Variants in UTP20 observed in about 807,000 individuals in gnomAD.
The protein encoded by UTP20 is UTP20 small subunit processome component.
Under a neutral mutation model 329.5 loss-of-function variants are expected in UTP20, and 164 were observed. The ratio of observed to expected loss-of-function variants is 0.50; its 90% CI spans 0.44 to 0.57. UTP20 has a LOEUF of 0.57. UTP20 is among the 20% of genes least tolerant of loss of function. The probability of loss-of-function intolerance (pLI) is 0.00; values close to 1 mark genes in which losing one functional copy is unlikely to be tolerated. For synonymous variants in UTP20, 1,151 were observed against 1,159.3 expected (o/e 0.99, Z 0.14); for missense variants, 3,055 against 3,284.2 (o/e 0.93, Z 1.71).
chr12:101,319,764 C>CTTTT, intron 23 of UTP20, 129 bp downstream of exon 23: 1 of 560,204 alleles, frequency 1.8e-6, no homozygotes, highest in Non-Finnish European at 2.8e-6. Flanking sequence ...GTATTAAAGC[C>CTTTT]TTTTTTTTTT....
chr12:101,370,299 TA>T, intron 49 of UTP20, 132 bp from the exon 50 acceptor site: 1 of 1,110,682 alleles, frequency 9.0e-7, no homozygotes, highest in South Asian at 1.8e-5. Flanking sequence ...TTTTCCAGAG[TA>T]ATTTGCCAAG....
intron 59 of UTP20, 29 bp from the exon 60 acceptor site, chr12:101,383,514 C>G (rs1194404170): frequency 2.5e-6 from 4 of 1,603,498 alleles, no homozygotes; most frequent in Non-Finnish European, 3.4e-6. Context: ...AGAAGTCTTT[C>G]AAATGAAAAA....
chr12:101,330,591 T>C (rs1868729280), intron 27 of UTP20, among the ~76,000 whole-genome samples: 1 of 152,232 alleles, frequency 6.6e-6, no homozygotes, highest in Non-Finnish European at 1.5e-5. Flanking sequence ...GAAAGTTCTT[T>C]CTCTGTTATA....
chr12:101,350,795 G>T (rs1454501844), intron 38 of UTP20, among the ~76,000 whole-genome samples: 1 of 152,062 alleles, frequency 6.6e-6, no homozygotes, highest in Non-Finnish European at 1.5e-5. Context: ...CCCTTCTGTG[G>T]TTCTTTTCCC....
rs368816848 is a variant in UTP20 at position 101,366,697 on chromosome 12, C to T, written c.6265C>T (p.Arg2089Trp). ...GCACATATTTATTGAGTCCGGGCTT[C>T]GGGTAAGAATTAACCTTAAAATGAG... ...NMHIFIESGL[R>W]LLHLSLKTSK... The change falls in exon 47 of 62, where the codon CGG becomes TGG. Residue 2089 changes from arginine (R) to tryptophan (W), a missense_variant and splice_region_variant. Transcript: ENST00000261637. 31 of 1,613,074 alleles carry T rather than the reference C, an allele frequency of 1.9e-5. 1 individual carries two copies. The highest frequency in any genetic ancestry group is 6.6e-5 in the South Asian group (6 of 90,944).
Position 101,379,366 on chromosome 12 carries a change from C to T in UTP20, c.7397-5C>T. 2 of 1,594,948 alleles carry T rather than the reference C, an allele frequency of 1.3e-6. No individual in the cohort carries two copies. The highest frequency in any genetic ancestry group is 2.2e-5 in the East Asian group (1 of 44,570). On this transcript the variant is annotated splice_polypyrimidine_tract_variant and splice_region_variant and intron_variant, in intron 56 of 61. Coordinates refer to ENST00000261637, the MANE Select transcript of UTP20 (RefSeq NM_014503.3). ...ACATCCACAAATGCTTTTTGGTTCC[C>T]TTAGGTCATGTGCATTCTCACCTGA...
At chr12:101,298,368 C>T (rs990845353) in intron 12 of UTP20, among the ~76,000 whole-genome samples, 1 of 152,140 alleles carries the variant, frequency 6.6e-6, no homozygotes, top group Admixed American at 6.5e-5. Context: ...CAATTTTAAG[C>T]TGGGAAGGAT....
intron 12 of UTP20, among the ~76,000 whole-genome samples, chr12:101,299,203 C>G (rs1023109752): frequency 1.3e-5 from 2 of 152,162 alleles, no homozygotes; most frequent in African/African-American, 4.8e-5. Context: ...TGTCATTGAG[C>G]AACTGTGTAT....
rs768386333 is a variant in UTP20, at chr12:101,334,412, C to A, written c.3562-13C>A. On this transcript the variant is annotated splice_polypyrimidine_tract_variant and intron_variant, in intron 28 of 61. Transcript: ENST00000261637. ...TATGTATTTGGTATTCTGTTTTTTACTTTGTCTCCTAGATCAGCAGGCTTG... is the reference window on the plus strand; with the variant it reads ...TATGTATTTGGTATTCTGTTTTTTAATTTGTCTCCTAGATCAGCAGGCTTG... 2.5e-6 allele frequency: 4 copies of A among 1,607,652 alleles called. No individual in the cohort carries two copies. The East Asian group carries it at 8.9e-5, about 36-fold the overall frequency.
intron 47 of UTP20, among the ~76,000 whole-genome samples, chr12:101,367,210 A>T: frequency 6.6e-6 from 1 of 152,146 alleles, no homozygotes; most frequent in East Asian, 1.9e-4. Context: ...ACTTGAGCCC[A>T]GGAGTTTGAG....
chr12:101,353,222 C>T (rs1869596749), intron 40 of UTP20, 93 bp downstream of exon 40: 2 of 771,556 alleles, frequency 2.6e-6, no homozygotes, highest in Non-Finnish European at 4.1e-6. Context: ...CAACTTATTC[C>T]CTTTGTCTGC....
Position 101,346,516 on chromosome 12 carries a change from G to C in UTP20, c.4812G>C (p.Leu1604=). The change falls in exon 38 of 62, where the codon CTG becomes CTC. Residue 1604 remains leucine (L), a synonymous_variant. Coordinates refer to ENST00000261637, the MANE Select transcript of UTP20 (RefSeq NM_014503.3). ...AACTAATGGAAGGCAAAGTTGTTCT[G>C]TCTTCTAAATCTCTTCAGAATTACA... ...AKQLMEGKVV[L]SSKSLQNYIM... 6.2e-7 allele frequency: 1 copy of C among 1,610,356 alleles called. No individual in the cohort carries two copies. The highest frequency in any genetic ancestry group is 8.5e-7 in the Non-Finnish European group (1 of 1,178,508).
chr12:101,327,087 G>C lies in UTP20; in HGVS notation c.3048G>C (p.Leu1016Phe), dbSNP rs766829244. 1.9e-6 allele frequency: 3 copies of C among 1,593,552 alleles called. No homozygotes were observed. Among genetic ancestry groups the C allele is most frequent in the Admixed American group, 3.4e-5 (2 of 59,102 alleles). ...ADLFPILMRILYGRMKNKTGS... is the reference protein window; with the variant it reads ...ADLFPILMRIFYGRMKNKTGS... ...TGTGCTTTTGCCTTTTCAGAATTTT[G>C]TATGGGCGAATGAAGAATAAGACTG... The change falls in exon 26 of 62, where the codon TTG becomes TTC. Residue 1016 changes from leucine to phenylalanine, a missense_variant. Physicochemically the swap from Leu to Phe is conservative, Grantham distance 22 (BLOSUM62 0). Coordinates refer to ENST00000261637, the MANE Select transcript of UTP20 (RefSeq NM_014503.3).
chr12:101,318,466 A>C (rs1187592882), intron 22 of UTP20, among the ~76,000 whole-genome samples: 1 of 152,228 alleles, frequency 6.6e-6, no homozygotes, highest in African/African-American at 2.4e-5. Flanking sequence ...ACTGCAATGC[A>C]GGAGTCATAG....
intron 5 of UTP20, 52 bp downstream of exon 5, chr12:101,286,561 C>T: frequency 7.0e-7 from 1 of 1,423,912 alleles, no homozygotes; most frequent in Non-Finnish European, 9.3e-7. Context: ...TTCTTTTTCC[C>T]TGGCTTCTTT....
chr12:101,313,874 A>G (rs1480814008), intron 21 of UTP20, among the ~76,000 whole-genome samples: 1 of 152,176 alleles, frequency 6.6e-6, no homozygotes, highest in Non-Finnish European at 1.5e-5. Flanking sequence ...GGGAGAATTA[A>G]AAGTTCATTT....
chr12:101,367,803 C>T, intron 47 of UTP20, 57 bp from the exon 48 acceptor site: 1 of 1,025,730 alleles, frequency 9.7e-7, no homozygotes, highest in Non-Finnish European at 1.5e-6. Flanking sequence ...TCACATTTAC[C>T]TAACTCATCT....
At chr12:101,338,414 C>G (rs1299716718) in intron 30 of UTP20, 137 bp downstream of exon 30, 1 of 795,154 alleles carries the variant, frequency 1.3e-6, no homozygotes, top group East Asian at 2.7e-5. Context: ...GGAACTAATA[C>G]TAATTTATAT....
chr12:101,281,199 A>G lies in UTP20; in HGVS notation c.126+3A>G, dbSNP rs761984914. 20 of 1,609,896 alleles carry G rather than the reference A, an allele frequency of 1.2e-5. No homozygotes were observed. The East Asian group carries it at 4.0e-4, about 32-fold the overall frequency. ...ATAGAACTGCAAGCTATGAGGAGGT[A>G]AGAGAATGTGATACTAGTCAATCTT... On this transcript the variant is annotated splice_donor_region_variant and intron_variant, in intron 2 of 61. Transcript: ENST00000261637.
Sources: allele counts gnomAD v4.1 joint callset (sites outside exome capture counted in the v4.1 genomes callset), GRCh38; gene constraint gnomAD v4.1.1; transcripts MANE v1.5; gene names NCBI Gene and HGNC (gene_info 2026-07-23, HGNC 2026-07-21).